The following PVT1 variants were observed in gnomAD, a reference collection of about 807,000 sequenced individuals.
PVT1 encodes CXCR4/PVT1 fusion.
intron 4 of PVT1, among the ~76,000 whole-genome samples, chr8:128,066,647 G>A (rs1487935124): frequency 6.6e-6 from 1 of 152,200 alleles, no homozygotes; most frequent in African/African-American, 2.4e-5. Context: ...GTAGGAAAGT[G>A]GGCTCTAATG....
chr8:128,030,805 T>C (rs1181823278), intron 4 of PVT1, among the ~76,000 whole-genome samples: 3 of 152,214 alleles, frequency 2.0e-5, no homozygotes, highest in South Asian at 2.1e-4. Flanking sequence ...GAACGTGTCT[T>C]TCCACATGGC....
chr8:127,835,538 A>G (rs1814900124), intron 2 of PVT1, among the ~76,000 whole-genome samples: 1 of 152,122 alleles, frequency 6.6e-6, no homozygotes, highest in Non-Finnish European at 1.5e-5. Flanking sequence ...GGGTGCAGCA[A>G]ACCACCATGG....
chr8:127,809,071 A>G (rs1378677061), intron 2 of PVT1, among the ~76,000 whole-genome samples: 1 of 151,782 alleles, frequency 6.6e-6, no homozygotes, highest in Admixed American at 6.6e-5. Context: ...AAAAAAAAGA[A>G]AAAGAAAAGG....
intron 2 of PVT1, among the ~76,000 whole-genome samples, chr8:127,887,875 A>G (rs1815543663): frequency 6.6e-6 from 1 of 151,524 alleles, no homozygotes; most frequent in Non-Finnish European, 1.5e-5. Context: ...CTCAGAATGG[A>G]AAGAAAACAG....
intron 4 of PVT1, among the ~76,000 whole-genome samples, chr8:128,021,730 GAATA>G (rs1180587931): frequency 3.3e-5 from 5 of 152,138 alleles, no homozygotes; most frequent in Middle Eastern, 3.2e-3. Flanking sequence ...AAAAAGAACC[GAATA>G]AATACTCATT....
intron 5 of PVT1, among the ~76,000 whole-genome samples, chr8:128,075,188 G>A (rs1015577773): frequency 6.6e-6 from 1 of 151,850 alleles, no homozygotes; most frequent in African/African-American, 2.4e-5. Context: ...CTCTGTTTTG[G>A]CCTTTGGATT....
At chr8:128,011,859 A>C (rs1303024749) in intron 4 of PVT1, among the ~76,000 whole-genome samples, 3 of 152,216 alleles carry the variant, frequency 2.0e-5, no homozygotes, top group South Asian at 2.1e-4. Flanking sequence ...AAGGAAAAGG[A>C]ACCTGAGAGA....
chr8:127,999,610 C>T (rs1425332404), intron 4 of PVT1, among the ~76,000 whole-genome samples: 1 of 152,088 alleles, frequency 6.6e-6, no homozygotes, highest in Non-Finnish European at 1.5e-5. Context: ...TACAGGTGCA[C>T]ACCACCACAC....
In PVT1 at chr8:128,003,951, G is replaced by T. The variant is rs1348474224; in HGVS notation, n.912+14660G>T. 2.6e-5 allele frequency among the ~76,000 whole-genome samples: 4 copies of T among 152,326 alleles called. No homozygotes were observed. In the East Asian group the frequency reaches 7.7e-4, roughly 29 times the overall value. ...GGTGTGAACTGATTCAGTTTCTGGT[G>T]GGGGCTCTCCTCTTGGCTTGCAGAT... On this transcript the variant is annotated intron_variant and non_coding_transcript_variant, in intron 4 of 10. Transcript: ENST00000651587.
chr8:128,094,563 C>A (rs2130172983), intron 5 of PVT1, among the ~76,000 whole-genome samples: 1 of 152,256 alleles, frequency 6.6e-6, no homozygotes, highest in South Asian at 2.1e-4. Context: ...TGGCCCATTA[C>A]AAAAAAATTT....
intron 3 of PVT1, among the ~76,000 whole-genome samples, chr8:127,951,064 AT>A (rs1181821712): frequency 2.0e-5 from 3 of 151,888 alleles, no homozygotes; most frequent in Admixed American, 6.6e-5. Flanking sequence ...TGCCTGGGTA[AT>A]TTTTGTATTC....
At chr8:128,038,940 A>T (rs1813495799) in intron 4 of PVT1, among the ~76,000 whole-genome samples, 1 of 152,124 alleles carries the variant, frequency 6.6e-6, no homozygotes, top group East Asian at 1.9e-4. Flanking sequence ...AGTCATTATA[A>T]CACAGAAGGG....
chr8:127,856,883 C>T (rs1815167445), intron 2 of PVT1, among the ~76,000 whole-genome samples: 1 of 152,188 alleles, frequency 6.6e-6, no homozygotes, highest in Non-Finnish European at 1.5e-5. Context: ...GGAAACCTTC[C>T]ATCCTTGTGT....
At chr8:127,844,144 G>A (rs1177285391) in intron 2 of PVT1, among the ~76,000 whole-genome samples, 3 of 151,824 alleles carry the variant, frequency 2.0e-5, no homozygotes, top group Non-Finnish European at 4.4e-5. Flanking sequence ...CACCATGCCC[G>A]GCTAATTTTT....
At chr8:127,910,283 C>T (rs1807975813) in intron 3 of PVT1, among the ~76,000 whole-genome samples, 1 of 152,144 alleles carries the variant, frequency 6.6e-6, no homozygotes, top group African/African-American at 2.4e-5. Flanking sequence ...GTCGTGGAAA[C>T]ATGCACAAGA....
chr8:128,098,341 T>A lies in PVT1; in HGVS notation n.1251+1687T>A, dbSNP rs552538753. ...CTTCTAGGCGGAGCAGATGGGATGG[T>A]GCCTCTGTGATCAACAGGCCTGGCA... On this transcript the variant is annotated intron_variant and non_coding_transcript_variant, in intron 6 of 10. Transcript: ENST00000651587. 3.9e-5 allele frequency among the ~76,000 whole-genome samples: 6 copies of A among 152,238 alleles called. No homozygotes were observed. The East Asian group carries it at 1.2e-3, about 29-fold the overall frequency.
At chr8:127,894,405 C>T (rs1815648221) in intron 3 of PVT1, among the ~76,000 whole-genome samples, 2 of 152,176 alleles carry the variant, frequency 1.3e-5, no homozygotes, top group Non-Finnish European at 2.9e-5. Context: ...GTGTCTCCTC[C>T]TTATGCATAT....
chr8:127,842,646 C>T (rs1328015664), intron 2 of PVT1, among the ~76,000 whole-genome samples: 1 of 152,078 alleles, frequency 6.6e-6, no homozygotes, highest in Non-Finnish European at 1.5e-5. Flanking sequence ...AAGACCCAGC[C>T]GTCTTGGAGG....
At chr8:127,831,155 CTA>C (rs61121608) in intron 2 of PVT1, among the ~76,000 whole-genome samples, 1 of 148,134 alleles carries the variant, frequency 6.8e-6, no homozygotes, top group Non-Finnish European at 1.5e-5. Flanking sequence ...CTCTCTCTCT[CTA>C]TATATATATA....
Sources: gnomAD v4.1 joint callset for allele counts (sites outside exome capture counted in the v4.1 genomes callset) on GRCh38, gnomAD v4.1.1 for gene constraint, MANE v1.5 for transcripts, NCBI Gene and HGNC (gene_info 2026-07-23, HGNC 2026-07-21) for gene names.